The following LZTFL1 variants were observed in gnomAD, a reference collection of about 807,000 sequenced individuals.
LZTFL1 encodes the protein leucine zipper transcription factor like 1, also known as leucine zipper transcription factor-like protein 1.
Under a neutral mutation model 45.9 loss-of-function variants are expected in LZTFL1, and 25 were observed. The observed-to-expected ratio is 0.54, with a 90% CI of 0.40 to 0.76. LZTFL1 has a LOEUF of 0.76. Ranked by LOEUF, LZTFL1 falls within the 30% of genes least tolerant of loss-of-function variation. LZTFL1 has a pLI of 0.00. For synonymous variants in LZTFL1, 93 were observed against 117.4 expected, an observed-to-expected ratio of 0.79 and a Z score of 1.35; for missense variants, 277 against 331.1, an observed-to-expected ratio of 0.84 and a Z score of 1.27.
chr3:45,842,051 G>A lies in LZTFL1; in HGVS notation c.-60C>T. The A allele has an allele frequency of 6.2e-7, 1 of 1,601,832 alleles. No homozygotes were observed. Among genetic ancestry groups the A allele is most frequent in the East Asian group, 2.3e-5 (1 of 44,350 alleles). On this transcript the variant is annotated 5_prime_UTR_variant, in exon 1 of 10. Coordinates refer to ENST00000296135, the MANE Select transcript of LZTFL1 (RefSeq NM_020347.4). ...GAGAGGCCAGGCGGTGCCCCGCCAA[G>A]CCTGGGATCGCCGAGGGTAGTTGGA...
At chr3:45,867,567 G>A (rs1415200420) in intron 2 of LZTFL1, among the ~76,000 whole-genome samples, 1 of 152,182 alleles carries the variant, frequency 6.6e-6, no homozygotes, top group Admixed American at 6.5e-5. Context: ...TCTTAGGCTG[G>A]GCACCGTGGC....
intron 4 of LZTFL1, among the ~76,000 whole-genome samples, chr3:45,853,232 G>A (rs1701333449): frequency 6.6e-6 from 1 of 152,126 alleles, no homozygotes; most frequent in African/African-American, 2.4e-5. Flanking sequence ...GTACTGGGCA[G>A]GTCCCATTCA....
At chr3:45,862,609 C>T (rs142943974) in intron 2 of LZTFL1, among the ~76,000 whole-genome samples, 1 of 152,240 alleles carries the variant, frequency 6.6e-6, no homozygotes, top group African/African-American at 2.4e-5. Flanking sequence ...CTCTGACCCT[C>T]CTGGTTCTAC....
At chr3:45,873,339 G>A (rs780588552) in intron 2 of LZTFL1, among the ~76,000 whole-genome samples, 1 of 152,144 alleles carries the variant, frequency 6.6e-6, no homozygotes, top group Non-Finnish European at 1.5e-5. Flanking sequence ...TTTTAGCTGT[G>A]TGTTTTGCTA....
intron 2 of LZTFL1, among the ~76,000 whole-genome samples, chr3:45,912,347 C>A (rs1361535641): frequency 6.6e-6 from 1 of 152,220 alleles, no homozygotes; most frequent in Non-Finnish European, 1.5e-5. Context: ...TTCTCTACCC[C>A]TCACTGTCCC....
At chr3:45,905,364 T>A (rs1702660377) in intron 2 of LZTFL1, among the ~76,000 whole-genome samples, 1 of 152,252 alleles carries the variant, frequency 6.6e-6, no homozygotes, top group Non-Finnish European at 1.5e-5. Context: ...CCCAGACAGC[T>A]AATGACCCAT....
At chr3:45,887,251 CTGTGTGTGTG>C (rs36040178) in intron 2 of LZTFL1, among the ~76,000 whole-genome samples, 1 of 149,114 alleles carries the variant, frequency 6.7e-6, no homozygotes, top group Non-Finnish European at 1.5e-5. Context: ...GCGTGTGTGT[CTGTGTGTGTG>C]TGTGTGTGTG....
At position 45,890,350 on chromosome 3, in the gene LZTFL1, C is replaced by CATATATATATATAAATATATATATAACAT. The variant is rs1559421663; in HGVS notation, c.-215+22769_-215+22770insATGTTATATATATATTTATATATATATAT. ...ATATATATATAACATATATATATAA[C>CATATATATATATAAATATATATATAACAT]ATATATATATATATAACATATATAA... is the stretch of plus-strand genomic sequence containing the variant. On this transcript the variant is annotated intron_variant, in intron 2 of 4. Transcript: ENST00000472635. Among the ~76,000 whole-genome samples, 20 of 23,070 alleles carry CATATATATATATAAATATATATATAACAT rather than the reference C, an allele frequency of 8.7e-4. 7 individuals are homozygous for CATATATATATATAAATATATATATAACAT. The highest frequency in any genetic ancestry group is 3.5e-3 in the African/African-American group (20 of 5,732). 15.1% of individuals were successfully genotyped at this position (23,070 alleles called of 152,430 possible). A position where few individuals can be genotyped will look rare whatever the true frequency, so the allele number is the denominator to read the frequency against.
intron 2 of LZTFL1, among the ~76,000 whole-genome samples, chr3:45,876,168 T>C (rs1701746489): frequency 6.6e-6 from 1 of 152,230 alleles, no homozygotes; most frequent in Non-Finnish European, 1.5e-5. Flanking sequence ...CACAGTCAAG[T>C]GAAGCCTGAG....
At chr3:45,829,085 C>T (rs930691562) in intron 7 of LZTFL1, among the ~76,000 whole-genome samples, 2 of 151,988 alleles carry the variant, frequency 1.3e-5, no homozygotes, top group Non-Finnish European at 2.9e-5. Flanking sequence ...AATATGAGAG[C>T]ACAATTACTG....
chr3:45,865,930 C>T (rs557261972), intron 2 of LZTFL1, among the ~76,000 whole-genome samples: 2 of 152,172 alleles, frequency 1.3e-5, no homozygotes, highest in Non-Finnish European at 2.9e-5. Context: ...CTGGTATAGG[C>T]CATGTAATCG....
At chr3:45,870,060 G>A (rs569954262) in intron 2 of LZTFL1, among the ~76,000 whole-genome samples, 17 of 152,368 alleles carry the variant, frequency 1.1e-4, no homozygotes, top group Non-Finnish European at 2.4e-4. Flanking sequence ...TTGTAATGAA[G>A]ATGTTTCTTG....
At chr3:45,906,518 T>C (rs1407924845) in intron 2 of LZTFL1, among the ~76,000 whole-genome samples, 1 of 152,194 alleles carries the variant, frequency 6.6e-6, no homozygotes, top group Non-Finnish European at 1.5e-5. Context: ...ACTGAAAAGA[T>C]GGACAGGCAC....
intron 1 of LZTFL1, among the ~76,000 whole-genome samples, chr3:45,839,299 A>G (rs997264168): frequency 6.6e-6 from 1 of 152,118 alleles, no homozygotes; most frequent in Admixed American, 6.5e-5. Flanking sequence ...CGTGTCAGCC[A>G]GGATGGTCTC....
Position 45,901,481 on chromosome 3 carries a change from TTGC to T in LZTFL1, c.-215+11636_-215+11638del, listed in dbSNP as rs1309557432. Reference sequence around the variant, plus strand: ...TCTTCCTTCCCTTCGTGGTCATGGCTTGCTGCTATACCATCATCATTCACACCC... The same window carrying T: ...TCTTCCTTCCCTTCGTGGTCATGGCTTGCTATACCATCATCATTCACACCC... On this transcript the variant is annotated intron_variant, in intron 2 of 4. Transcript: ENST00000472635. This position sits in a 1 kb window ranked among gnomAD's most constrained non-coding sequence, Gnocchi z 4.3. 1 of 1,614,092 alleles carries T rather than the reference TTGC, an allele frequency of 6.2e-7. No individual in the cohort carries two copies. The highest frequency in any genetic ancestry group is 1.3e-5 in the African/African-American group (1 of 74,926).
intron 3 of LZTFL1, among the ~76,000 whole-genome samples, chr3:45,857,186 A>T (rs969162502): frequency 4.6e-5 from 7 of 152,260 alleles, no homozygotes; most frequent in African/African-American, 1.4e-4. Context: ...AATACTACGC[A>T]GCCATAAAAA....
At chr3:45,874,873 C>T (rs1457172659) in intron 2 of LZTFL1, among the ~76,000 whole-genome samples, 1 of 152,196 alleles carries the variant, frequency 6.6e-6, no homozygotes, top group Non-Finnish European at 1.5e-5. Context: ...CCCAGACTAG[C>T]CAGCTGGTGG....
At chr3:45,899,851 T>G (rs1296562723) in intron 2 of LZTFL1, among the ~76,000 whole-genome samples, 1 of 152,174 alleles carries the variant, frequency 6.6e-6, no homozygotes, top group Middle Eastern at 3.2e-3. Context: ...CAGACCTCAT[T>G]TCCTGTTTCC....
chr3:45,845,628 G>A (rs150985477), upstream of LZTFL1, among the ~76,000 whole-genome samples: 1 of 152,340 alleles, frequency 6.6e-6, no homozygotes, highest in Non-Finnish European at 1.5e-5. Context: ...CAAGGATGGA[G>A]CACCTTTAAG....
Sources: gnomAD v4.1 joint callset for allele counts (sites outside exome capture counted in the v4.1 genomes callset) on GRCh38, gnomAD v4.1.1 for gene constraint, Gnocchi (gnomAD v3.1) non-coding constraint, MANE v1.5 for transcripts, NCBI Gene and HGNC (gene_info 2026-07-23, HGNC 2026-07-21) for gene names.